QSOX1: variants seen among roughly 807,000 people sequenced by gnomAD.
QSOX1 encodes sulfhydryl oxidase 1.
QSOX1 carries 40 observed loss-of-function variants against 76.1 expected under a neutral mutation model. The observed-to-expected ratio is 0.53, with a 90% CI of 0.41 to 0.68. The LOEUF is 0.68. Among genes scored for constraint, QSOX1 ranks in the 30% least tolerant of loss-of-function variants. QSOX1 has a pLI of 0.00. For synonymous variants in QSOX1, 392 were observed against 413.1 expected, an observed-to-expected ratio of 0.95 and a Z score of 0.62; for missense variants, 931 against 974.3, an observed-to-expected ratio of 0.96 and a Z score of 0.59.
At chr1:180,164,581 T>C (rs1662568931) in intron 1 of QSOX1, among the ~76,000 whole-genome samples, 1 of 152,216 alleles carries the variant, frequency 6.6e-6, no homozygotes. Flanking sequence ...GCCAGCTTAG[T>C]TGCCTTCTTT....
At chr1:180,188,862 G>A (rs1452480030) in intron 8 of QSOX1, among the ~76,000 whole-genome samples, 3 of 152,186 alleles carry the variant, frequency 2.0e-5, no homozygotes, top group Non-Finnish European at 2.9e-5. Context: ...TGCTGTGCAC[G>A]TGCACACACG....
chr1:180,197,115 C>A lies in QSOX1; in HGVS notation c.*78C>A. ...CCCCCTGACCCCATTCCCTCCCCTC[C>A]CACCCCTTGCTCCTTGTCTGGCCTA... On this transcript the variant is annotated 3_prime_UTR_variant, in exon 12 of 12. Transcript: ENST00000367602. 6.7e-7 allele frequency: 1 copy of A among 1,495,606 alleles called. No homozygotes were observed. The highest frequency in any genetic ancestry group is 1.4e-5 in the African/African-American group (1 of 71,742). 92.6% of individuals were successfully genotyped at this position (1,495,606 alleles called of 1,614,324 possible). A position where few individuals can be genotyped will look rare whatever the true frequency, so the allele number is the denominator to read the frequency against.
At chr1:180,171,257 G>A (rs61537103) in intron 2 of QSOX1, among the ~76,000 whole-genome samples, 3,896 of 152,304 alleles carry the variant, frequency 0.026, 154 homozygotes, top group African/African-American at 0.088. Flanking sequence ...CAAGGCAGGT[G>A]GAGAAGGAGA....
Position 180,175,319 on chromosome 1 carries a change from A to C in QSOX1, c.367-2A>C. The C allele has an allele frequency of 1.2e-6, 2 of 1,614,046 alleles. No individual in the cohort carries two copies. Among genetic ancestry groups the C allele is most frequent in the South Asian group, 2.2e-5 (2 of 91,070 alleles). On this transcript the variant is annotated splice_acceptor_variant, in intron 2 of 11. Coordinates refer to ENST00000367602, the MANE Select transcript of QSOX1 (RefSeq NM_002826.5). LOFTEE classifies it high-confidence loss of function. Reference sequence around the variant, plus strand: ...GATGCCCACCTGTGTGTTTGCTTCCAGTTCTTCAAGGCCTTTACCAAGAAC... The same window carrying C: ...GATGCCCACCTGTGTGTTTGCTTCCCGTTCTTCAAGGCCTTTACCAAGAAC...
intron 4 of QSOX1, 100 bp from the exon 5 acceptor site, chr1:180,178,694 C>A: frequency 9.5e-7 from 1 of 1,051,910 alleles, no homozygotes; most frequent in Non-Finnish European, 1.5e-6. Context: ...GGCGGGATGG[C>A]CATACCTGCA....
intron 4 of QSOX1, 74 bp from the exon 5 acceptor site, chr1:180,178,720 C>T (rs1662957255): frequency 6.8e-6 from 9 of 1,329,518 alleles, no homozygotes; most frequent in South Asian, 3.5e-5. Flanking sequence ...GCATCACCAG[C>T]GTCTGGCGTT....
Position 180,189,609 on chromosome 1 carries a change from A to C in QSOX1, c.1075A>C (p.Lys359Gln). Residue 359 changes from lysine (K) to glutamine (Q), a missense_variant, in exon 9 of 12, where the codon AAG becomes CAG. Lys to Gln is a moderately conservative substitution (Grantham distance 53). Transcript: ENST00000367602. ...CCTGCACTCCGTGAATGAATGGCTC[A>C]AGAGGCAGAAGAGAAATAAAATTCC... ...NFLHSVNEWL[K>Q]RQKRNKIPYS... 1 of 1,613,456 alleles carries C rather than the reference A, an allele frequency of 6.2e-7. No homozygotes were observed. The highest frequency in any genetic ancestry group is 8.5e-7 in the Non-Finnish European group (1 of 1,179,526).
At chr1:180,166,470 C>G (rs761312198) in intron 1 of QSOX1, 21 bp from the exon 2 acceptor site, 32 of 1,607,636 alleles carry the variant, frequency 2.0e-5, no homozygotes, top group Non-Finnish European at 2.5e-5. Context: ...TTATTTACCC[C>G]TGGGTTTTTT....
Position 180,201,012 on chromosome 1 carries a change from T to A in QSOX1, c.*3975T>A, listed in dbSNP as rs1359933390. On this transcript the variant is annotated 3_prime_UTR_variant, in exon 12 of 12. Transcript: ENST00000367602. ...TCCATTCCCTACATCGAGGCTGAAG[T>A]GCCCTGTCTCGGGTCCTTGTTTTTA... The A allele has an allele frequency of 2.6e-5, 4 of 152,230 alleles. No individual in the cohort carries two copies. Among genetic ancestry groups the A allele is most frequent in the Non-Finnish European group, 4.4e-5 (3 of 68,040 alleles). 9.4% of individuals were successfully genotyped at this position (152,230 alleles called of 1,614,324 possible). A position where few individuals can be genotyped will look rare whatever the true frequency, so the allele number is the denominator to read the frequency against.
Position 180,197,495 on chromosome 1 carries a change from CG to C in QSOX1, c.*460del. 2 of 1,229,270 alleles carry C rather than the reference CG, an allele frequency of 1.6e-6. No homozygotes were observed. The highest frequency in any genetic ancestry group is 2.7e-5 in the South Asian group (2 of 75,296). 76.1% of individuals were successfully genotyped at this position (1,229,270 alleles called of 1,614,324 possible). A position where few individuals can be genotyped will look rare whatever the true frequency, so the allele number is the denominator to read the frequency against. On this transcript the variant is annotated 3_prime_UTR_variant, in exon 12 of 12. Coordinates refer to ENST00000367602, the MANE Select transcript of QSOX1 (RefSeq NM_002826.5). ...GGGCTCCGCCCACCCTGCTCCCTTC[CG>C]GACAATGAAGAAGCCTTTGCACCCT...
chr1:180,179,649 A>C (rs1183768058), intron 5 of QSOX1, among the ~76,000 whole-genome samples: 1 of 152,252 alleles, frequency 6.6e-6, no homozygotes, highest in East Asian at 1.9e-4. Flanking sequence ...CCAGCTGCAA[A>C]GGTGGGACGT....
chr1:180,167,696 C>T (rs1662666015), intron 2 of QSOX1, among the ~76,000 whole-genome samples: 1 of 152,226 alleles, frequency 6.6e-6, no homozygotes, highest in South Asian at 2.1e-4. Flanking sequence ...GCCCCCCAGG[C>T]CCCAGGTTTA....
chr1:180,170,992 G>A (rs539919030), intron 2 of QSOX1, among the ~76,000 whole-genome samples: 27 of 152,308 alleles, frequency 1.8e-4, no homozygotes, highest in Non-Finnish European at 3.7e-4. Flanking sequence ...GGTGAGTTTG[G>A]GTTTGGAGCC....
At position 180,183,909 on chromosome 1, in the gene QSOX1, C is replaced by G. The variant is rs1298157310; in HGVS notation, c.753-7C>G. On this transcript the variant is annotated splice_region_variant and splice_polypyrimidine_tract_variant and intron_variant, in intron 6 of 11. Transcript: ENST00000367602. ...TGCCTCTCCTCCCTGGTTCTGTGCC[C>G]TCACAGGCTCATGGAATCCAGGTCC... 3 of 1,612,258 alleles carry G rather than the reference C, an allele frequency of 1.9e-6. No homozygotes were observed. The highest frequency in any genetic ancestry group is 2.5e-6 in the Non-Finnish European group (3 of 1,178,730).
At chr1:180,171,397 A>G (rs3753799) in intron 2 of QSOX1, among the ~76,000 whole-genome samples, 95,203 of 149,514 alleles carry the variant, frequency 0.64, 31,550 homozygotes, top group East Asian at 0.83. Context: ...GGTAAACACA[A>G]GTGGCAAAGC....
chr1:180,186,703 T>C (rs1015913100), intron 8 of QSOX1, among the ~76,000 whole-genome samples: 6 of 152,262 alleles, frequency 3.9e-5, no homozygotes, highest in African/African-American at 1.4e-4. Flanking sequence ...CTCCTATTTA[T>C]TGAGGACTTG....
At position 180,200,447 on chromosome 1, in the gene QSOX1, T is replaced by G. The variant is rs1663613129; in HGVS notation, c.*3410T>G. The stretch of plus-strand genomic sequence containing the variant: ...CCCAAGCCACCCCGGCAGGTGCCAC[T>G]GGCCAGAGTTGAACTGAGGTGTTGA... On this transcript the variant is annotated 3_prime_UTR_variant, in exon 12 of 12. Transcript: ENST00000367602. 6.6e-6 allele frequency: 1 copy of G among 152,150 alleles called. No homozygotes were observed. The highest frequency in any genetic ancestry group is 6.5e-5 in the Admixed American group (1 of 15,286). The allele number at this position is 152,150 out of a possible 1,614,324, so 9.4% of individuals were successfully genotyped here. A position where few individuals can be genotyped will look rare whatever the true frequency, so the allele number is the denominator to read the frequency against.
chr1:180,176,141 C>T lies in QSOX1; in HGVS notation c.515+108C>T, dbSNP rs570013994. 13 of 846,620 alleles carry T rather than the reference C, an allele frequency of 1.5e-5. No homozygotes were observed. In the African/African-American group the frequency reaches 2.0e-4, roughly 13 times the overall value. 52.4% of individuals were successfully genotyped at this position (846,620 alleles called of 1,614,324 possible). A position where few individuals can be genotyped will look rare whatever the true frequency, so the allele number is the denominator to read the frequency against. ...CGGGGACCCCAGTTTATTTTCCTTG[C>T]TGCCTTTGCCTGTGGGGCTCACACA... On this transcript the variant is annotated intron_variant, in intron 4 of 11. Coordinates refer to ENST00000367602, the MANE Select transcript of QSOX1 (RefSeq NM_002826.5).
At chr1:180,161,701 A>G (rs1164697996) in intron 1 of QSOX1, among the ~76,000 whole-genome samples, 1 of 152,256 alleles carries the variant, frequency 6.6e-6, no homozygotes, top group Non-Finnish European at 1.5e-5. Context: ...ACAACAAAAC[A>G]TTAAAAAGAA....
Sources: gnomAD v4.1 joint callset for allele counts (sites outside exome capture counted in the v4.1 genomes callset) on GRCh38, gnomAD v4.1.1 for gene constraint, MANE v1.5 for transcripts, NCBI Gene and HGNC (gene_info 2026-07-23, HGNC 2026-07-21) for gene names.